FOXRED2: variants seen among roughly 807,000 people sequenced by gnomAD.
FOXRED2 encodes FAD dependent oxidoreductase domain containing 2.
FOXRED2 carries 32 observed loss-of-function variants against 52.5 expected under a neutral mutation model. That is an observed-to-expected ratio of 0.61 (90% CI 0.46 to 0.82). The LOEUF (loss-of-function observed/expected upper bound fraction) is 0.82. Among genes scored for constraint, FOXRED2 ranks in the 40% least tolerant of loss-of-function variants. The pLI is 0.00. For missense variants in FOXRED2, 848 were observed against 937.5 expected (o/e 0.90, Z 1.25); for synonymous variants, 405 against 398.1 (o/e 1.02, Z -0.21).
At chr22:36,504,423 G>C in intron 3 of FOXRED2, 56 bp from the exon 4 acceptor site, 1 of 1,608,952 alleles carries the variant, frequency 6.2e-7, no homozygotes, top group Non-Finnish European at 8.5e-7. Flanking sequence ...GGGCAGTGCA[G>C]CTGGGGTCAG....
At chr22:36,497,191 T>A (rs1291304738) in intron 6 of FOXRED2, among the ~76,000 whole-genome samples, 6 of 146,586 alleles carry the variant, frequency 4.1e-5, no homozygotes, top group Admixed American at 2.7e-4. Flanking sequence ...AAAAAAAAAA[T>A]TAGCCAGGCA....
intron 5 of FOXRED2, among the ~76,000 whole-genome samples, 194 bp downstream of exon 5, chr22:36,501,047 A>G (rs939160898): frequency 4.6e-5 from 7 of 152,094 alleles, no homozygotes; most frequent in Non-Finnish European, 1.0e-4. Flanking sequence ...GGACTTTTAC[A>G]CTTTATCTGA....
chr22:36,497,163 T>C (rs1199134838), intron 6 of FOXRED2, among the ~76,000 whole-genome samples: 2 of 143,008 alleles, frequency 1.4e-5, no homozygotes, highest in East Asian at 2.0e-4. Flanking sequence ...GGGCAAGACA[T>C]AGTGAGACTC....
At chr22:36,505,051 T>C (rs1934157708) in intron 2 of FOXRED2, among the ~76,000 whole-genome samples, 2 of 152,284 alleles carry the variant, frequency 1.3e-5, no homozygotes, top group South Asian at 4.2e-4. Context: ...GATGACAGTA[T>C]GAGAAATGGA....
At chr22:36,495,457 T>C (rs1413435350) in intron 7 of FOXRED2, among the ~76,000 whole-genome samples, 1 of 152,234 alleles carries the variant, frequency 6.6e-6, no homozygotes, top group Non-Finnish European at 1.5e-5. Flanking sequence ...GCTGGCATTC[T>C]GTGTACACTG....
chr22:36,496,330 G>T, intron 6 of FOXRED2, 122 bp from the exon 7 acceptor site: 1 of 1,196,072 alleles, frequency 8.4e-7, no homozygotes, highest in Non-Finnish European at 1.2e-6. Flanking sequence ...CAATCAAGCA[G>T]CACACCCCTC....
At position 36,490,125 on chromosome 22, in the gene FOXRED2, G is replaced by T. The variant is rs780035519; in HGVS notation, c.1938C>A (p.Pro646=). 7 of 1,614,040 alleles carry T rather than the reference G, an allele frequency of 4.3e-6. No homozygotes were observed. The highest frequency in any genetic ancestry group is 1.3e-5 in the African/African-American group (1 of 75,076). The change falls in exon 9 of 9, where the codon CCC becomes CCA. Residue 646 remains proline, a synonymous_variant. Coordinates refer to ENST00000397224, the MANE Select transcript of FOXRED2 (RefSeq NM_001102371.2). The part of the protein sequence containing the change: ...VESRLLRDYA[P]TGRRLEDSSQ... ...TGCTGTCCTCCAGGCGCCTGCCTGT[G>T]GGGGCATAGTCCCGCAGGAGCCTGC...
intron 8 of FOXRED2, among the ~76,000 whole-genome samples, chr22:36,492,231 GACA>G (rs1244210802): frequency 2.0e-5 from 3 of 152,184 alleles, no homozygotes; most frequent in South Asian, 2.1e-4. Flanking sequence ...ACCACCTTCT[GACA>G]ACATCATCCC....
intron 7 of FOXRED2, 133 bp downstream of exon 7, chr22:36,495,834 C>T (rs1933881290): frequency 2.0e-6 from 2 of 981,164 alleles, no homozygotes; most frequent in Non-Finnish European, 1.5e-6. Context: ...CCCAAGTGGT[C>T]TCTAGGCAGA....
intron 4 of FOXRED2, among the ~76,000 whole-genome samples, chr22:36,502,627 T>C (rs5756224): frequency 0.44 from 66,953 of 151,736 alleles, 17,837 homozygotes; most frequent in Admixed American, 0.6. Context: ...TACTCATCAC[T>C]GCACCTAGCT....
At chr22:36,493,569 G>A in intron 8 of FOXRED2, 64 bp downstream of exon 8, 9 of 1,453,158 alleles carry the variant, frequency 6.2e-6, no homozygotes, top group Non-Finnish European at 8.5e-6. Context: ...ACGGGTCTTG[G>A]GTCTCTGTGA....
intron 4 of FOXRED2, among the ~76,000 whole-genome samples, chr22:36,501,903 C>T (rs1042355268): frequency 4.6e-5 from 7 of 152,080 alleles, no homozygotes; most frequent in African/African-American, 1.7e-4. Flanking sequence ...AGGTGGCTCA[C>T]GCCTGTAATC....
chr22:36,505,504 C>T (rs1934166309), intron 2 of FOXRED2, among the ~76,000 whole-genome samples: 1 of 152,222 alleles, frequency 6.6e-6, no homozygotes, highest in African/African-American at 2.4e-5. Context: ...TGCGGTGGCT[C>T]ATACCTGTAA....
At position 36,496,093 on chromosome 22, in the gene FOXRED2, C is replaced by T. The variant is rs777581393; in HGVS notation, c.1498G>A (p.Gly500Ser). ...HGLFVINMEY[G>S]RNFSGPDKDV... Reference sequence around the variant, plus strand: ...TTGTCGGGGCCAGAGAAATTTCTGCCATATTCCATGTTGATGACGAAGAGC... The same window carrying T: ...TTGTCGGGGCCAGAGAAATTTCTGCTATATTCCATGTTGATGACGAAGAGC... The change falls in exon 7 of 9, where the codon GGC (glycine) becomes AGC (serine). Residue 500 changes from glycine to serine, a missense_variant. Coordinates refer to ENST00000397224, the MANE Select transcript of FOXRED2 (RefSeq NM_001102371.2). 3 of 1,614,106 alleles carry T rather than the reference C, an allele frequency of 1.9e-6. No individual in the cohort carries two copies. The African/African-American group carries it at 4.0e-5, about 22-fold the overall frequency.
At chr22:36,491,716 T>C (rs1460259335) in intron 8 of FOXRED2, among the ~76,000 whole-genome samples, 2 of 152,204 alleles carry the variant, frequency 1.3e-5, no homozygotes, top group African/African-American at 4.8e-5. Context: ...GATGCTGCCA[T>C]GCGTCCATAC....
At chr22:36,490,663 A>C (rs995422848) in intron 8 of FOXRED2, among the ~76,000 whole-genome samples, 2 of 152,226 alleles carry the variant, frequency 1.3e-5, no homozygotes, top group African/African-American at 4.8e-5. Flanking sequence ...GGTCAGTTCC[A>C]CTGTGAGCTC....
intron 6 of FOXRED2, among the ~76,000 whole-genome samples, chr22:36,496,757 G>A (rs950639046): frequency 6.6e-6 from 1 of 152,236 alleles, no homozygotes; most frequent in Non-Finnish European, 1.5e-5. Context: ...GCTGTTGTAT[G>A]GGTGCAGGTG....
intron 5 of FOXRED2, among the ~76,000 whole-genome samples, chr22:36,500,589 T>A (rs1221759780): frequency 6.6e-6 from 1 of 151,436 alleles, no homozygotes; most frequent in African/African-American, 2.4e-5. Context: ...TTACATTTTT[T>A]TTTTTTTTTT....
intron 8 of FOXRED2, among the ~76,000 whole-genome samples, chr22:36,491,311 T>C (rs2145839086): frequency 6.6e-6 from 1 of 152,340 alleles, no homozygotes; most frequent in East Asian, 1.9e-4. Flanking sequence ...TTTGGGTCTG[T>C]GTCCCCGCCC....
Sources: allele counts gnomAD v4.1 joint callset (sites outside exome capture counted in the v4.1 genomes callset), GRCh38; gene constraint gnomAD v4.1.1; transcripts MANE v1.5; gene names NCBI Gene and HGNC (gene_info 2026-07-23, HGNC 2026-07-21).